Variants in KLHL14 observed in about 807,000 individuals in gnomAD.
KLHL14 encodes the protein kelch like family member 14.
Under a neutral mutation model 64.3 loss-of-function variants are expected in KLHL14, and 22 were observed. That is an observed-to-expected ratio of 0.34 (90% CI 0.24 to 0.49). The LOEUF (loss-of-function observed/expected upper bound fraction) is 0.49. Among genes scored for constraint, KLHL14 ranks in the 20% least tolerant of loss-of-function variants. The probability of loss-of-function intolerance (pLI) is 0.99; values close to 1 mark genes in which losing one functional copy is unlikely to be tolerated. For missense variants in KLHL14, 661 were observed against 789.0 expected (o/e 0.84, Z 1.94); for synonymous variants, 322 against 333.4 (o/e 0.97, Z 0.37).
chr18:32,771,163 G>T (rs185350575), intron 1 of KLHL14: 28 of 191,686 alleles, frequency 1.5e-4, no homozygotes, highest in Middle Eastern at 1.1e-3. Flanking sequence ...TGGGGGAGGG[G>T]GTAGGAACAG....
intron 2 of KLHL14, chr18:32,743,861 C>A (rs2050211212): frequency 6.6e-6 from 1 of 152,172 alleles, no homozygotes; most frequent in South Asian, 2.1e-4. Flanking sequence ...GGCCACAGAG[C>A]TGATATATGA....
intron 3 of KLHL14, among the ~76,000 whole-genome samples, chr18:32,713,962 A>G (rs1305026065): frequency 2.0e-5 from 3 of 152,158 alleles, no homozygotes; most frequent in Non-Finnish European, 4.4e-5. Context: ...TTAAAAATCT[A>G]CCTTTGATAA....
intron 2 of KLHL14, among the ~76,000 whole-genome samples, chr18:32,764,903 T>C (rs1440116875): frequency 7.2e-5 from 11 of 152,176 alleles, no homozygotes; most frequent in Non-Finnish European, 1.3e-4. Context: ...TTAAGTCAGA[T>C]ACATTACTAT....
At chr18:32,709,698 A>C (rs1300576890) in intron 3 of KLHL14, among the ~76,000 whole-genome samples, 2 of 152,146 alleles carry the variant, frequency 1.3e-5, no homozygotes, top group Non-Finnish European at 2.9e-5. Context: ...ATTTATTTCT[A>C]TGCTAGTGTA....
chr18:32,737,242 C>T (rs937095092), intron 3 of KLHL14: 1 of 152,080 alleles, frequency 6.6e-6, no homozygotes, highest in South Asian at 2.1e-4. Flanking sequence ...AGGAAACCCA[C>T]AGGTACAAAG....
Position 32,769,734 on chromosome 18 carries a change from G to C in KLHL14, c.858C>G (p.Thr286=), listed in dbSNP as rs151206654. The part of the protein sequence containing the change: ...ERVQSVDFMR[T]DPVCQKLLLD... Reference sequence around the variant, plus strand: ...GCAGCAGCTTCTGGCAGACCGGGTCGGTTCGCATGAAATCCACTGACTGGA... The same window carrying C: ...GCAGCAGCTTCTGGCAGACCGGGTCCGTTCGCATGAAATCCACTGACTGGA... The change falls in exon 2 of 9, where the codon ACC becomes ACG. Residue 286 remains threonine, a synonymous_variant. Transcript: ENST00000359358. 6 of 1,598,048 alleles carry C rather than the reference G, an allele frequency of 3.8e-6. No homozygotes were observed. The highest frequency in any genetic ancestry group is 1.3e-5 in the African/African-American group (1 of 74,762).
At position 32,771,605 on chromosome 18, in the gene KLHL14, C is replaced by G. The variant is rs142842927; in HGVS notation, c.-43-971G>C. ...CTCCCCTTCCAGCGAGGGGCGGCAC[C>G]GAGGACTCAGGGGGAGGAAGTGGGG... On this transcript the variant is annotated intron_variant, in intron 1 of 8. Transcript: ENST00000359358. 3.0e-4 allele frequency among the ~76,000 whole-genome samples: 45 copies of G among 152,156 alleles called. No homozygotes were observed. In the East Asian group the frequency reaches 4.3e-3, roughly 14 times the overall value.
At chr18:32,693,413 C>CACAGAGAGAGAGAGAGAGAGAGAGAG (rs1229737083) in intron 4 of KLHL14, among the ~76,000 whole-genome samples, 1 of 97,018 alleles carries the variant, frequency 1.0e-5, no homozygotes, top group African/African-American at 4.8e-5. Context: ...CACACACACA[C>CACAGAGAGAGAGAGAGAGAGAGAGAG]AGAGAGAGAG....
At chr18:32,759,197 A>T (rs2144547339) in intron 2 of KLHL14, among the ~76,000 whole-genome samples, 1 of 152,374 alleles carries the variant, frequency 6.6e-6, no homozygotes, top group East Asian at 1.9e-4. Flanking sequence ...ATGGAATAAA[A>T]TTCCAGGATT....
At chr18:32,752,665 G>T (rs1036963301) in intron 2 of KLHL14, among the ~76,000 whole-genome samples, 3 of 151,844 alleles carry the variant, frequency 2.0e-5, no homozygotes, top group Non-Finnish European at 4.4e-5. Context: ...CATTATTTTT[G>T]CCATAGCCAC....
At chr18:32,679,889 G>T in intron 7 of KLHL14, among the ~76,000 whole-genome samples, 1 of 152,082 alleles carries the variant, frequency 6.6e-6, no homozygotes, top group East Asian at 1.9e-4. Context: ...ACGACAAATT[G>T]TTTGTGTTCT....
At chr18:32,697,942 T>C (rs1480729654) in intron 3 of KLHL14, among the ~76,000 whole-genome samples, 1 of 152,216 alleles carries the variant, frequency 6.6e-6, no homozygotes, top group Non-Finnish European at 1.5e-5. Context: ...CATTTCAGTA[T>C]TCTCATTCCT....
chr18:32,710,418 G>A (rs191318533), intron 3 of KLHL14, among the ~76,000 whole-genome samples: 1 of 152,160 alleles, frequency 6.6e-6, no homozygotes, highest in Non-Finnish European at 1.5e-5. Context: ...GAAGTGAAAC[G>A]AGTACCCATA....
intron 2 of KLHL14, among the ~76,000 whole-genome samples, chr18:32,756,595 T>C (rs1033247365): frequency 2.0e-5 from 3 of 152,214 alleles, no homozygotes; most frequent in African/African-American, 7.2e-5. Context: ...TTTCCTGGGA[T>C]AGATTTTTAC....
chr18:32,739,390 C>CA (rs558330930), intron 3 of KLHL14, among the ~76,000 whole-genome samples: 5,021 of 108,836 alleles, frequency 0.046, 229 homozygotes, highest in African/African-American at 0.13. Context: ...GGTATCTTAA[C>CA]AAAAAAAAAA....
At chr18:32,729,044 C>A (rs1472532797) in intron 3 of KLHL14, among the ~76,000 whole-genome samples, 1 of 152,176 alleles carries the variant, frequency 6.6e-6, no homozygotes, top group African/African-American at 2.4e-5. Flanking sequence ...TTTGTTATGG[C>A]AGCCCTGGGA....
chr18:32,769,500 T>A, intron 2 of KLHL14, 145 bp downstream of exon 2: 2 of 747,952 alleles, frequency 2.7e-6, no homozygotes, highest in Non-Finnish European at 4.2e-6. Flanking sequence ...CCTCACACAC[T>A]CTGAATTGTT....
At chr18:32,758,578 C>T (rs1412614100) in intron 2 of KLHL14, among the ~76,000 whole-genome samples, 1 of 152,028 alleles carries the variant, frequency 6.6e-6, no homozygotes, top group African/African-American at 2.4e-5. Flanking sequence ...GGCAGCATTC[C>T]CACTCATAGG....
intron 2 of KLHL14, among the ~76,000 whole-genome samples, chr18:32,759,039 C>A (rs1271860385): frequency 6.6e-6 from 1 of 152,128 alleles, no homozygotes; most frequent in Admixed American, 6.6e-5. Context: ...GATGGCCACA[C>A]AACTCTGTGA....
Sources: allele counts gnomAD v4.1 joint callset (sites outside exome capture counted in the v4.1 genomes callset), GRCh38; gene constraint gnomAD v4.1.1; transcripts MANE v1.5; gene names NCBI Gene and HGNC (gene_info 2026-07-23, HGNC 2026-07-21).